Variants in KCNIP1 observed in about 807,000 individuals in gnomAD.
KCNIP1 encodes the protein potassium voltage-gated channel interacting protein 1.
KCNIP1 carries 18 observed loss-of-function variants against 33.0 expected under a neutral mutation model. The observed-to-expected ratio is 0.55, with a 90% CI of 0.38 to 0.81. The LOEUF (loss-of-function observed/expected upper bound fraction) is 0.81, where lower values mean the gene tolerates loss of function less well. KCNIP1 is among the 30% of genes least tolerant of loss of function. KCNIP1 has a pLI of 0.00. For missense variants in KCNIP1, 238 were observed against 271.6 expected, an observed-to-expected ratio of 0.88 and a Z score of 0.87; for synonymous variants, 93 against 98.3, an observed-to-expected ratio of 0.95 and a Z score of 0.32.
intron 1 of KCNIP1, among the ~76,000 whole-genome samples, chr5:170,644,578 A>G (rs1760712134): frequency 6.6e-6 from 1 of 152,230 alleles, no homozygotes; most frequent in Non-Finnish European, 1.5e-5. Context: ...CAAGACAAAA[A>G]TGATGAGTGA....
At chr5:170,397,941 TGAAA>T (rs1249641986) in intron 1 of KCNIP1, among the ~76,000 whole-genome samples, 4 of 152,182 alleles carry the variant, frequency 2.6e-5, no homozygotes, top group Non-Finnish European at 5.9e-5. Context: ...GGCAATTGGT[TGAAA>T]GAGTTATAAT....
chr5:170,362,963 C>G (rs1352735275), intron 1 of KCNIP1, among the ~76,000 whole-genome samples: 1 of 152,218 alleles, frequency 6.6e-6, no homozygotes, highest in Admixed American at 6.5e-5. Flanking sequence ...CCACAACATC[C>G]CTGTGCTGAT....
chr5:170,590,879 G>T (rs6862741), intron 1 of KCNIP1, among the ~76,000 whole-genome samples: 1 of 151,972 alleles, frequency 6.6e-6, no homozygotes, highest in Non-Finnish European at 1.5e-5. Flanking sequence ...CCCCATCCTC[G>T]CCCTTACACT....
chr5:170,365,499 T>C (rs1429052562), intron 1 of KCNIP1, among the ~76,000 whole-genome samples: 1 of 152,190 alleles, frequency 6.6e-6, no homozygotes, highest in Non-Finnish European at 1.5e-5. Flanking sequence ...CTTTGATTTG[T>C]TCTTGCCATG....
At chr5:170,381,962 T>G (rs1275415756) in intron 1 of KCNIP1, among the ~76,000 whole-genome samples, 1 of 152,142 alleles carries the variant, frequency 6.6e-6, no homozygotes, top group Non-Finnish European at 1.5e-5. Context: ...CTGACCATCC[T>G]GCACTGCCCA....
chr5:170,616,465 A>G (rs1194990816), intron 1 of KCNIP1, among the ~76,000 whole-genome samples: 1 of 152,142 alleles, frequency 6.6e-6, no homozygotes, highest in Non-Finnish European at 1.5e-5. Context: ...TTCAGTCTGG[A>G]GCATGCTTCT....
intron 1 of KCNIP1, among the ~76,000 whole-genome samples, chr5:170,652,317 C>T (rs983438399): frequency 6.6e-6 from 1 of 151,836 alleles, no homozygotes; most frequent in African/African-American, 2.4e-5. Flanking sequence ...AACCCCGTCT[C>T]TACTAAAAAT....
At chr5:170,491,903 A>G (rs1416976054) in intron 1 of KCNIP1, among the ~76,000 whole-genome samples, 1 of 152,190 alleles carries the variant, frequency 6.6e-6, no homozygotes, top group African/African-American at 2.4e-5. Flanking sequence ...ATGGCATATA[A>G]AGGCCCTCTG....
At chr5:170,386,812 G>A (rs1328795256) in intron 1 of KCNIP1, among the ~76,000 whole-genome samples, 3 of 151,942 alleles carry the variant, frequency 2.0e-5, no homozygotes, top group African/African-American at 2.4e-5. Flanking sequence ...AAGCAGAATG[G>A]GCACATTCTG....
chr5:170,553,622 G>C (rs2113428363), intron 1 of KCNIP1, among the ~76,000 whole-genome samples: 1 of 152,318 alleles, frequency 6.6e-6, no homozygotes, highest in Non-Finnish European at 1.5e-5. Context: ...CTGTTCTGTG[G>C]CACAATTGTC....
intron 1 of KCNIP1, among the ~76,000 whole-genome samples, chr5:170,617,301 G>T (rs1759418156): frequency 6.6e-6 from 1 of 152,018 alleles, no homozygotes; most frequent in African/African-American, 2.4e-5. Flanking sequence ...TAGGGACACA[G>T]CAGAAACAAA....
At chr5:170,395,061 A>T (rs939520076) in intron 1 of KCNIP1, among the ~76,000 whole-genome samples, 1 of 152,208 alleles carries the variant, frequency 6.6e-6, no homozygotes, top group South Asian at 2.1e-4. Context: ...ATAAATGTAC[A>T]AGTGCAGGTC....
At chr5:170,520,048 C>T (rs1161768139) in intron 1 of KCNIP1, among the ~76,000 whole-genome samples, 1 of 152,128 alleles carries the variant, frequency 6.6e-6, no homozygotes, top group African/African-American at 2.4e-5. Context: ...TCTAGTACCA[C>T]CCTGCGACTC....
intron 1 of KCNIP1, among the ~76,000 whole-genome samples, chr5:170,461,197 T>C (rs1756493735): frequency 6.6e-6 from 1 of 152,178 alleles, no homozygotes; most frequent in Non-Finnish European, 1.5e-5. Context: ...AATGCTCATG[T>C]ATGGGTAGAT....
chr5:170,394,236 CA>C (rs1285388068), intron 1 of KCNIP1, among the ~76,000 whole-genome samples: 1 of 152,230 alleles, frequency 6.6e-6, no homozygotes, highest in African/African-American at 2.4e-5. Context: ...CCTCCTGGGC[CA>C]GGCGGAAGCT....
intron 1 of KCNIP1, among the ~76,000 whole-genome samples, chr5:170,621,406 T>G (rs1309753835): frequency 6.6e-6 from 1 of 152,146 alleles, no homozygotes; most frequent in East Asian, 1.9e-4. Context: ...GAGGGCATTC[T>G]CACTTGTCCC....
intron 1 of KCNIP1, among the ~76,000 whole-genome samples, chr5:170,463,541 A>G (rs1297887169): frequency 6.6e-6 from 1 of 152,204 alleles, no homozygotes; most frequent in Non-Finnish European, 1.5e-5. Flanking sequence ...TTAATATAAT[A>G]CATAATTCAA....
At chr5:170,388,527 A>G (rs1286775372) in intron 1 of KCNIP1, among the ~76,000 whole-genome samples, 1 of 152,258 alleles carries the variant, frequency 6.6e-6, no homozygotes, top group East Asian at 1.9e-4. Flanking sequence ...CCATTTAGAA[A>G]GGTCACTTGA....
chr5:170,471,693 C>A (rs1298533117), intron 1 of KCNIP1, among the ~76,000 whole-genome samples: 5 of 152,074 alleles, frequency 3.3e-5, no homozygotes, highest in Admixed American at 6.5e-5. Context: ...CTGCTCAGGG[C>A]TCCTGAGCCT....
Sources: gnomAD v4.1 joint callset for allele counts (sites outside exome capture counted in the v4.1 genomes callset) on GRCh38, gnomAD v4.1.1 for gene constraint, MANE v1.5 for transcripts, NCBI Gene and HGNC (gene_info 2026-07-23, HGNC 2026-07-21) for gene names.